C1orf21: variants seen among roughly 807,000 people sequenced by gnomAD.
C1orf21 encodes the protein uncharacterized protein C1orf21.
C1orf21 carries 3 observed loss-of-function variants against 18.7 expected under a neutral mutation model. That is an observed-to-expected ratio of 0.16 (90% CI 0.07 to 0.42). C1orf21 has a LOEUF of 0.42. Ranked by LOEUF, C1orf21 falls within the 10% of genes least tolerant of loss-of-function variation. C1orf21 has a pLI of 0.99. For synonymous variants in C1orf21, 41 were observed against 46.4 expected, an observed-to-expected ratio of 0.88 and a Z score of 0.47; for missense variants, 104 against 143.6, an observed-to-expected ratio of 0.72 and a Z score of 1.41.
chr1:184,576,415 G>A (rs1309750458), intron 3 of C1orf21, among the ~76,000 whole-genome samples: 1 of 152,190 alleles, frequency 6.6e-6, no homozygotes, highest in African/African-American at 2.4e-5. Flanking sequence ...GTGAGCCACC[G>A]CACCCGGCTT....
intron 3 of C1orf21, among the ~76,000 whole-genome samples, chr1:184,547,420 CTTTTTT>C (rs34169321): frequency 9.7e-6 from 1 of 102,966 alleles, no homozygotes; most frequent in Non-Finnish European, 1.9e-5. Flanking sequence ...TACATCCAGA[CTTTTTT>C]TTTTTTTTTT....
At chr1:184,611,127 T>C (rs1571301311) in intron 5 of C1orf21, among the ~76,000 whole-genome samples, 1 of 152,324 alleles carries the variant, frequency 6.6e-6, no homozygotes, top group South Asian at 2.1e-4. Flanking sequence ...GTGAGTCTAA[T>C]TAGAATAAAG....
rs1272891075 is a variant in C1orf21 at position 184,622,929 on chromosome 1, C to CA, written c.*3374dup. Reference sequence around the variant, plus strand: ...CCCAGGAGCAGGTCCAGGGATGATGCAGCCCCCTTCTTGGTCCCATGTGAT... The same window carrying CA: ...CCCAGGAGCAGGTCCAGGGATGATGCAAGCCCCCTTCTTGGTCCCATGTGAT... On this transcript the variant is annotated 3_prime_UTR_variant, in exon 6 of 6. Coordinates refer to ENST00000235307, the MANE Select transcript of C1orf21 (RefSeq NM_030806.4). 1.3e-5 allele frequency: 2 copies of CA among 152,440 alleles called. No individual in the cohort carries two copies. Among genetic ancestry groups the CA allele is most frequent in the African/African-American group, 4.8e-5 (2 of 41,470 alleles). The allele number at this position is 152,440 out of a possible 1,614,324, so 9.4% of individuals were successfully genotyped here.
At position 184,591,882 on chromosome 1, in the gene C1orf21, T is replaced by G. The variant is rs76115585; in HGVS notation, c.266+1067T>G. Among the ~76,000 whole-genome samples the G allele has an allele frequency of 1.7e-4, 26 of 152,022 alleles. No individual in the cohort carries two copies. In the East Asian group the frequency reaches 4.6e-3, roughly 27 times the overall value. ...AAACTGTGGGAATACTATACATCAGTGAAAATTAGTGCCTATAGGTACACA... is the reference window on the plus strand; with the variant it reads ...AAACTGTGGGAATACTATACATCAGGGAAAATTAGTGCCTATAGGTACACA... On this transcript the variant is annotated intron_variant, in intron 4 of 5. Coordinates refer to ENST00000235307, the MANE Select transcript of C1orf21 (RefSeq NM_030806.4).
At chr1:184,557,290 T>G (rs1448239274) in intron 3 of C1orf21, among the ~76,000 whole-genome samples, 1 of 152,174 alleles carries the variant, frequency 6.6e-6, no homozygotes, top group Non-Finnish European at 1.5e-5. Flanking sequence ...GAACAGGTGG[T>G]GTTAACTTAC....
intron 5 of C1orf21, among the ~76,000 whole-genome samples, chr1:184,612,981 C>T (rs931063537): frequency 1.4e-4 from 21 of 151,684 alleles, no homozygotes; most frequent in Non-Finnish European, 4.4e-5. Context: ...GACAGAGTTT[C>T]ACTCTGTCAC....
intron 1 of C1orf21, among the ~76,000 whole-genome samples, chr1:184,415,335 T>A (rs1389783262): frequency 1.3e-5 from 2 of 152,226 alleles, no homozygotes; most frequent in African/African-American, 4.8e-5. Context: ...ACTCGGTAAG[T>A]GTCTAGACTA....
chr1:184,391,882 A>T (rs1407870632), intron 1 of C1orf21, among the ~76,000 whole-genome samples: 1 of 151,654 alleles, frequency 6.6e-6, no homozygotes, highest in African/African-American at 2.4e-5. Context: ...TAATTTTTGT[A>T]TTTTTAGTAG....
intron 1 of C1orf21, among the ~76,000 whole-genome samples, chr1:184,467,755 T>C (rs1006146022): frequency 6.6e-6 from 1 of 152,214 alleles, no homozygotes; most frequent in Non-Finnish European, 1.5e-5. Flanking sequence ...ACAGTGATGG[T>C]AATGACAATA....
chr1:184,573,416 A>G (rs1571283667), intron 3 of C1orf21, among the ~76,000 whole-genome samples: 1 of 152,336 alleles, frequency 6.6e-6, no homozygotes, highest in East Asian at 1.9e-4. Flanking sequence ...TGATGTTAAC[A>G]TCATTCTCGA....
At chr1:184,558,420 G>T (rs1658909055) in intron 3 of C1orf21, among the ~76,000 whole-genome samples, 1 of 152,168 alleles carries the variant, frequency 6.6e-6, no homozygotes, top group Admixed American at 6.5e-5. Context: ...TAGAGTAGTT[G>T]CTAGGATTTT....
rs558239168 is a variant in C1orf21, at chr1:184,477,378, T to A, written c.-124-8T>A. 5 of 662,566 alleles carry A rather than the reference T, an allele frequency of 7.5e-6. 1 individual carries two copies. In the South Asian group the frequency reaches 9.7e-5, roughly 13 times the overall value. 41.0% of individuals were successfully genotyped at this position (662,566 alleles called of 1,614,324 possible). On this transcript the variant is annotated splice_region_variant and splice_polypyrimidine_tract_variant and intron_variant, in intron 1 of 5. Transcript: ENST00000235307. ...TGCCCATTCTAATCTAGCTTTCTTT[T>A]CTTGCAGGTGCACACATCTTGACCA...
chr1:184,572,892 A>G (rs1419573728), intron 3 of C1orf21, among the ~76,000 whole-genome samples: 1 of 151,684 alleles, frequency 6.6e-6, no homozygotes. Flanking sequence ...CGGAGGTTGC[A>G]GTGAGCCAAG....
In C1orf21 at chr1:184,533,093, G is replaced by A. The variant is rs139998097; in HGVS notation, c.189+25411G>A. On this transcript the variant is annotated intron_variant, in intron 3 of 5. Transcript: ENST00000235307. ...CCTACAGTGGCTTCCTGCTGCTCCCGGGTAATAACCTGAGCAGGGATGACC... is the reference window on the plus strand; with the variant it reads ...CCTACAGTGGCTTCCTGCTGCTCCCAGGTAATAACCTGAGCAGGGATGACC... Among the ~76,000 whole-genome samples, 1,513 of 151,908 alleles carry A rather than the reference G, an allele frequency of 1.0e-2. 25 individuals are homozygous for A. The highest frequency in any genetic ancestry group is 0.033 in the African/African-American group (1,358 of 41,420).
chr1:184,595,466 G>T (rs984227779), intron 4 of C1orf21, among the ~76,000 whole-genome samples: 1 of 152,182 alleles, frequency 6.6e-6, no homozygotes, highest in African/African-American at 2.4e-5. Flanking sequence ...TATTCATGGT[G>T]CTGTGTGGAT....
intron 1 of C1orf21, among the ~76,000 whole-genome samples, chr1:184,429,651 C>A (rs1656703040): frequency 6.6e-6 from 1 of 152,014 alleles, no homozygotes; most frequent in South Asian, 2.1e-4. Flanking sequence ...TTGAAATGTT[C>A]CAGCAGCTTA....
intron 4 of C1orf21, among the ~76,000 whole-genome samples, chr1:184,598,180 A>G (rs764718313): frequency 2.0e-4 from 31 of 152,044 alleles, no homozygotes; most frequent in Non-Finnish European, 4.0e-4. Context: ...TTGAAAGGAA[A>G]TTGTCTTCCT....
chr1:184,477,563 C>T lies in C1orf21; in HGVS notation c.54C>T (p.Ala18=), dbSNP rs376710089. Residue 18 remains alanine, a synonymous_variant, in exon 2 of 6, where the codon GCC becomes GCT. Transcript: ENST00000235307. The part of the protein sequence containing the change: ...HVATVQNEEE[A]QKGKNYQNGD... The stretch of plus-strand genomic sequence containing the variant: ...CCACTGTTCAAAATGAAGAGGAAGC[C>T]CAGAAAGGGAAAAACTACCAGAACG... The T allele has an allele frequency of 2.4e-5, 38 of 1,613,786 alleles. No individual in the cohort carries two copies. Among genetic ancestry groups the T allele is most frequent in the Non-Finnish European group, 3.1e-5 (37 of 1,179,900 alleles).
At chr1:184,485,347 C>T (rs1657718109) in intron 2 of C1orf21, among the ~76,000 whole-genome samples, 1 of 152,054 alleles carries the variant, frequency 6.6e-6, no homozygotes, top group South Asian at 2.1e-4. Flanking sequence ...TATTTTAGAT[C>T]TATCAGGTTA....
Sources: gnomAD v4.1 joint callset for allele counts (sites outside exome capture counted in the v4.1 genomes callset) on GRCh38, gnomAD v4.1.1 for gene constraint, MANE v1.5 for transcripts, NCBI Gene and HGNC (gene_info 2026-07-23, HGNC 2026-07-21) for gene names.